ZC4H2: variants seen among roughly 807,000 people sequenced by gnomAD.
The protein encoded by ZC4H2 is zinc finger C4H2-type containing.
For synonymous variants in ZC4H2, 84 were observed against 66.3 expected (o/e 1.27, Z -1.30); for missense variants, 137 against 173.9 (o/e 0.79, Z 1.19).
chrX:65,003,816 G>T (rs1468781225), intron 1 of ZC4H2, among the ~76,000 whole-genome samples: 1 of 108,743 alleles, frequency 9.2e-6, no homozygotes, highest in South Asian at 4.1e-4. Context: ...GGCAGAGCTT[G>T]CAGTAAACCA....
chrX:64,976,299 G>A, intron 1 of ZC4H2, 26 bp downstream of exon 1: 2 of 1,206,190 alleles, frequency 1.7e-6, no homozygotes, highest in Non-Finnish European at 2.2e-6. Flanking sequence ...GGAGAGGGGC[G>A]GGGAGGGGGA....
At chrX:64,930,073 G>T (rs983623459) in intron 1 of ZC4H2, among the ~76,000 whole-genome samples, 1 of 111,100 alleles carries the variant, frequency 9.0e-6, no homozygotes, top group Admixed American at 9.6e-5. Flanking sequence ...TTTCCTTGCA[G>T]ATATCTTTCA....
chrX:65,022,147 A>G (rs182467917), intron 1 of ZC4H2, among the ~76,000 whole-genome samples: 6 of 112,249 alleles, frequency 5.3e-5, no homozygotes, highest in Non-Finnish European at 7.5e-5. Context: ...AACAATAGAA[A>G]AAGAGAGAAT....
chrX:64,970,526 A>AAGGAAGGAAGGG (rs1289216797), intron 1 of ZC4H2, among the ~76,000 whole-genome samples: 3 of 109,464 alleles, frequency 2.7e-5, no homozygotes, highest in South Asian at 8.1e-4. Context: ...GGGGGGAAGG[A>AAGGAAGGAAGGG]AGGAAGGAAG....
intron 1 of ZC4H2, among the ~76,000 whole-genome samples, chrX:65,027,475 G>A (rs919557607): frequency 2.7e-5 from 3 of 111,366 alleles, no homozygotes; most frequent in Non-Finnish European, 5.7e-5. Context: ...AATTGGTGGT[G>A]GTGCAGGTGT....
intron 1 of ZC4H2, among the ~76,000 whole-genome samples, chrX:64,951,756 C>T (rs1348676633): frequency 8.1e-5 from 9 of 110,554 alleles, no homozygotes; most frequent in East Asian, 5.7e-4. Context: ...AGGTTGCCTG[C>T]TCACTCTGAT....
intron 1 of ZC4H2, among the ~76,000 whole-genome samples, chrX:64,927,738 A>T (rs977056550): frequency 2.7e-5 from 3 of 112,446 alleles, no homozygotes; most frequent in African/African-American, 9.7e-5. Flanking sequence ...ACTAATTTAC[A>T]CTTCCACCAA....
rs144008682 is a variant in ZC4H2, at chrX:65,018,406, C to T, written c.-272+16223G>A. Among the ~76,000 whole-genome samples, 18 of 112,182 alleles carry T rather than the reference C, an allele frequency of 1.6e-4. No individual in the cohort carries two copies. In the East Asian group the frequency reaches 4.8e-3, roughly 30 times the overall value. ...AGGACGAAGCAGAGTGGGGTGTTGCCTCACCTGGGAAGCACAAAGGGTTGG... is the reference window on the plus strand; with the variant it reads ...AGGACGAAGCAGAGTGGGGTGTTGCTTCACCTGGGAAGCACAAAGGGTTGG... On this transcript the variant is annotated intron_variant, in intron 1 of 4. Coordinates refer to the ZC4H2 transcript ENST00000337990.
chrX:65,018,966 G>A (rs1036420449), intron 1 of ZC4H2, among the ~76,000 whole-genome samples: 6 of 111,608 alleles, frequency 5.4e-5, no homozygotes, highest in African/African-American at 9.8e-5. Flanking sequence ...AGGCCACTGC[G>A]GCCAGAAGGC....
chrX:64,973,759 T>A (rs1372693298), intron 1 of ZC4H2, among the ~76,000 whole-genome samples: 1 of 111,764 alleles, frequency 8.9e-6, no homozygotes, highest in Non-Finnish European at 1.9e-5. Context: ...TTATTGGACA[T>A]AGATTTATGG....
At chrX:64,931,564 C>G (rs1004160249) in intron 1 of ZC4H2, among the ~76,000 whole-genome samples, 4 of 111,416 alleles carry the variant, frequency 3.6e-5, no homozygotes, top group Admixed American at 2.9e-4. Flanking sequence ...TATTATCATT[C>G]ATTTCAAATA....
At chrX:64,991,033 T>C (rs1932298699) in intron 1 of ZC4H2, among the ~76,000 whole-genome samples, 1 of 112,080 alleles carries the variant, frequency 8.9e-6, no homozygotes, top group South Asian at 3.7e-4. Flanking sequence ...TAGTATTCAA[T>C]GTAGGCTTAA....
chrX:65,013,049 G>A (rs1420807543), intron 1 of ZC4H2, among the ~76,000 whole-genome samples: 2 of 111,312 alleles, frequency 1.8e-5, no homozygotes, highest in African/African-American at 6.5e-5. Context: ...GCACATGGTG[G>A]ACCTGAAAAA....
chrX:64,975,749 A>G (rs983226117), intron 1 of ZC4H2, among the ~76,000 whole-genome samples: 1 of 110,874 alleles, frequency 9.0e-6, no homozygotes, highest in African/African-American at 3.3e-5. Flanking sequence ...CCCAGTCCCC[A>G]TTGCTCCCAT....
At chrX:64,941,185 G>T (rs910068280) in intron 1 of ZC4H2, among the ~76,000 whole-genome samples, 3 of 111,384 alleles carry the variant, frequency 2.7e-5, no homozygotes, top group African/African-American at 9.8e-5. Flanking sequence ...TCATGATTTG[G>T]CTCTCTGTGT....
At chrX:64,937,547 C>A (rs147551645) in intron 1 of ZC4H2, among the ~76,000 whole-genome samples, 4 of 111,621 alleles carry the variant, frequency 3.6e-5, no homozygotes, top group African/African-American at 1.3e-4. Flanking sequence ...GTAAAACACT[C>A]CTCAGCAAAT....
At chrX:64,928,976 C>T (rs1264722446) in intron 1 of ZC4H2, among the ~76,000 whole-genome samples, 4 of 106,059 alleles carry the variant, frequency 3.8e-5, no homozygotes, top group African/African-American at 1.4e-4. Context: ...GCAACCTCCA[C>T]CTCTCAGGCT....
chrX:64,985,548 T>C (rs1453425490), intron 1 of ZC4H2, among the ~76,000 whole-genome samples: 2 of 111,575 alleles, frequency 1.8e-5, no homozygotes, highest in African/African-American at 6.5e-5. Context: ...GAAATAAGAA[T>C]AGTTCCTGCT....
chrX:65,009,232 C>A (rs753203234), intron 1 of ZC4H2, among the ~76,000 whole-genome samples: 2 of 111,815 alleles, frequency 1.8e-5, no homozygotes, highest in Admixed American at 9.5e-5. Flanking sequence ...CAAGCTACTT[C>A]AGGAACACAG....
Sources: allele counts gnomAD v4.1 joint callset (sites outside exome capture counted in the v4.1 genomes callset), GRCh38; gene constraint gnomAD v4.1.1; transcripts MANE v1.5; gene names NCBI Gene and HGNC (gene_info 2026-07-23, HGNC 2026-07-21).